COX7B2: variants seen among roughly 807,000 people sequenced by gnomAD.
COX7B2 encodes the protein cytochrome c oxidase subunit 7B2.
For synonymous variants in COX7B2, 37 were observed against 32.1 expected, an observed-to-expected ratio of 1.15 and a Z score of -0.51; for missense variants, 109 against 95.9, an observed-to-expected ratio of 1.14 and a Z score of -0.57.
chr4:46,843,807 T>C (rs931598027), intron 2 of COX7B2, among the ~76,000 whole-genome samples: 1 of 151,990 alleles, frequency 6.6e-6, no homozygotes, highest in African/African-American at 2.4e-5. Flanking sequence ...ATTTAGAATA[T>C]TATGTGTACT....
At chr4:46,841,375 TTAA>T (rs1715917958) in intron 2 of COX7B2, among the ~76,000 whole-genome samples, 1 of 100,618 alleles carries the variant, frequency 9.9e-6, no homozygotes, top group African/African-American at 3.4e-5. Context: ...GTGTGTGTGT[TTAA>T]GATGGGCTGG....
intron 1 of COX7B2, among the ~76,000 whole-genome samples, chr4:46,865,669 T>C (rs1717623634): frequency 6.6e-6 from 1 of 152,198 alleles, no homozygotes; most frequent in Non-Finnish European, 1.5e-5. Context: ...TCATGCTGCC[T>C]CTGATAATCC....
chr4:46,775,009 C>G (rs949502368), intron 2 of COX7B2, among the ~76,000 whole-genome samples: 7 of 152,026 alleles, frequency 4.6e-5, no homozygotes, highest in African/African-American at 1.4e-4. Flanking sequence ...GTTTCCATAT[C>G]TATGAAATAA....
At chr4:46,841,333 C>CTGTGTGTG (rs1491098977) in intron 2 of COX7B2, among the ~76,000 whole-genome samples, 7 of 112,924 alleles carry the variant, frequency 6.2e-5, no homozygotes, top group East Asian at 3.1e-4. Flanking sequence ...ACCAAATGTG[C>CTGTGTGTG]TCTGTGTGTG....
At chr4:46,764,913 C>G (rs936176011) in intron 2 of COX7B2, among the ~76,000 whole-genome samples, 1 of 151,636 alleles carries the variant, frequency 6.6e-6, no homozygotes, top group African/African-American at 2.4e-5. Context: ...CACAAATGAA[C>G]TACAAAACAG....
chr4:46,794,463 G>C (rs1478248680), intron 2 of COX7B2, among the ~76,000 whole-genome samples: 1 of 152,110 alleles, frequency 6.6e-6, no homozygotes, highest in African/African-American at 2.4e-5. Context: ...TTAGAGTACA[G>C]TCATTTAAGA....
At chr4:46,890,618 A>G (rs1337546010) in intron 1 of COX7B2, among the ~76,000 whole-genome samples, 2 of 152,228 alleles carry the variant, frequency 1.3e-5, no homozygotes, top group Non-Finnish European at 2.9e-5. Flanking sequence ...TTATCTGACA[A>G]GCTGACACTT....
intron 2 of COX7B2, among the ~76,000 whole-genome samples, chr4:46,758,343 G>C (rs1268963968): frequency 6.6e-6 from 1 of 152,096 alleles, no homozygotes; most frequent in Non-Finnish European, 1.5e-5. Context: ...CTTCAAAAGA[G>C]AGTCAGTTAT....
intron 2 of COX7B2, among the ~76,000 whole-genome samples, chr4:46,750,195 T>TAACAC (rs1715267746): frequency 8.8e-6 from 1 of 113,856 alleles, no homozygotes; most frequent in Non-Finnish European, 1.8e-5. Context: ...ATCCCATCTC[T>TAACAC]ACACACACAC....
chr4:46,740,038 T>C (rs1229295719), intron 2 of COX7B2, among the ~76,000 whole-genome samples: 1 of 152,020 alleles, frequency 6.6e-6, no homozygotes, highest in East Asian at 1.9e-4. Flanking sequence ...CATGATAATA[T>C]AAAAATAATA....
chr4:46,739,337 ACC>A (rs1714563208), intron 2 of COX7B2, among the ~76,000 whole-genome samples: 1 of 151,784 alleles, frequency 6.6e-6, no homozygotes, highest in African/African-American at 2.4e-5. Flanking sequence ...AACAAACCAA[ACC>A]AAACCAAAAC....
At chr4:46,907,715 A>AT (rs1720477024) in intron 1 of COX7B2, among the ~76,000 whole-genome samples, 2 of 148,352 alleles carry the variant, frequency 1.3e-5, no homozygotes, top group Admixed American at 6.6e-5. Flanking sequence ...CCACTGTGAG[A>AT]TAAAAAAAAA....
At chr4:46,768,191 G>A (rs1189695701) in intron 2 of COX7B2, among the ~76,000 whole-genome samples, 2 of 152,244 alleles carry the variant, frequency 1.3e-5, no homozygotes, top group Non-Finnish European at 2.9e-5. Context: ...AGAGGAATGA[G>A]GTCACATGGA....
intron 2 of COX7B2, among the ~76,000 whole-genome samples, chr4:46,741,551 A>G (rs1226647453): frequency 1.3e-5 from 2 of 152,052 alleles, no homozygotes; most frequent in Non-Finnish European, 2.9e-5. Context: ...TCTATACAAT[A>G]GAGAAGGCAA....
At chr4:46,789,469 G>A (rs1274060849) in intron 2 of COX7B2, among the ~76,000 whole-genome samples, 1 of 152,088 alleles carries the variant, frequency 6.6e-6, no homozygotes, top group Non-Finnish European at 1.5e-5. Flanking sequence ...ATATTTTTGA[G>A]TTGTCTGTTA....
At chr4:46,839,168 C>G (rs1015636059) in intron 2 of COX7B2, among the ~76,000 whole-genome samples, 4 of 150,612 alleles carry the variant, frequency 2.7e-5, no homozygotes, top group African/African-American at 1.0e-4. Context: ...TATTTTTGTG[C>G]TCTCTTGAGG....
chr4:46,755,481 GA>G (rs1437031850), intron 2 of COX7B2, among the ~76,000 whole-genome samples: 2 of 151,694 alleles, frequency 1.3e-5, no homozygotes, highest in African/African-American at 4.8e-5. Context: ...TCGGGCAAGA[GA>G]AAAAAATAAT....
intron 2 of COX7B2, among the ~76,000 whole-genome samples, chr4:46,776,393 A>AGTGTGT (rs34113475): frequency 5.0e-4 from 73 of 146,632 alleles, no homozygotes; most frequent in African/African-American, 1.7e-3. Context: ...GTAGTTTCAG[A>AGTGTGT]GTGTGTGTGT....
chr4:46,839,191 T>C (rs950556041), intron 2 of COX7B2, among the ~76,000 whole-genome samples: 6 of 152,028 alleles, frequency 3.9e-5, no homozygotes, highest in Non-Finnish European at 4.4e-5. Flanking sequence ...ACTTGTTCCC[T>C]AGCCCTCCCT....
Sources: gnomAD v4.1 joint callset for allele counts (sites outside exome capture counted in the v4.1 genomes callset) on GRCh38, gnomAD v4.1.1 for gene constraint, MANE v1.5 for transcripts, NCBI Gene and HGNC (gene_info 2026-07-23, HGNC 2026-07-21) for gene names.